The following COLEC10 variants were observed in gnomAD, a reference collection of about 807,000 sequenced individuals.
COLEC10 encodes collectin subfamily member 10.
COLEC10 carries 22 observed loss-of-function variants against 28.4 expected under a neutral mutation model. That is an observed-to-expected ratio of 0.78 (90% CI 0.55 to 1.11). COLEC10 has a LOEUF of 1.11. Among genes scored for constraint, COLEC10 ranks in the 50% least tolerant of loss-of-function variants. The pLI, the probability that COLEC10 is intolerant of heterozygous loss-of-function variation, is 0.00. For synonymous variants in COLEC10, 125 were observed against 116.1 expected (o/e 1.08, Z -0.49); for missense variants, 361 against 344.1 (o/e 1.05, Z -0.39).
At chr8:118,953,196 G>C in the COLEC10 span, among the ~76,000 whole-genome samples, 960 of 152,308 alleles carry the variant, frequency 6.3e-3, 12 homozygotes, top group African/African-American at 0.023. Flanking sequence ...ATTCAGCTTT[G>C]TCCCTCAAGG....
rs1312126957 is a variant in COLEC10 at position 119,067,407 on chromosome 8, C to T, written c.126C>T (p.His42=). ...CTACCGCTGAAGTCTGTGCCACACA[C>T]ACAATTTCACCAGGACCCAAAGGTG... ...SRPTAEVCAT[H]TISPGPKGDD... Residue 42 remains histidine (H), a synonymous_variant, in exon 1 of 6, where the codon CAC becomes CAT. Coordinates refer to ENST00000332843, the MANE Select transcript of COLEC10 (RefSeq NM_006438.5). 2.5e-6 allele frequency: 4 copies of T among 1,613,754 alleles called. No individual in the cohort carries two copies. Among genetic ancestry groups the T allele is most frequent in the Non-Finnish European group, 3.4e-6 (4 of 1,179,894 alleles).
At chr8:119,093,509 T>A (rs1441414105) in intron 3 of COLEC10, among the ~76,000 whole-genome samples, 1 of 152,138 alleles carries the variant, frequency 6.6e-6, no homozygotes. Flanking sequence ...CTGTGATGGT[T>A]TTACCATGAA....
intron 2 of COLEC10, among the ~76,000 whole-genome samples, chr8:119,020,003 G>T (rs185951330): frequency 6.6e-6 from 1 of 152,118 alleles, no homozygotes; most frequent in Non-Finnish European, 1.5e-5. Context: ...TCTCACACAA[G>T]GTCCAGATCA....
intron 2 of COLEC10, among the ~76,000 whole-genome samples, chr8:119,032,017 G>A (rs79004640): frequency 2.6e-5 from 4 of 152,146 alleles, no homozygotes; most frequent in African/African-American, 7.2e-5. Flanking sequence ...GTAAATACCA[G>A]TATTCTCCCC....
chr8:118,997,275 A>G (rs185840952), intron 1 of COLEC10, among the ~76,000 whole-genome samples: 1 of 152,088 alleles, frequency 6.6e-6, no homozygotes, highest in East Asian at 1.9e-4. Flanking sequence ...CACTCTGTTG[A>G]TTGTTTCGTT....
At chr8:118,953,171 A>G in the COLEC10 span, among the ~76,000 whole-genome samples, 1 of 152,220 alleles carries the variant, frequency 6.6e-6, no homozygotes, top group Non-Finnish European at 1.5e-5. Flanking sequence ...TGCAAATTAC[A>G]GAAGACGGGG....
At chr8:118,984,175 C>A in the COLEC10 span, among the ~76,000 whole-genome samples, 25 of 151,990 alleles carry the variant, frequency 1.6e-4, 1 homozygote, top group Non-Finnish European at 2.9e-4. Flanking sequence ...GAGATCATGT[C>A]CTTTGCAGCA....
chr8:119,020,640 A>G lies in COLEC10; in HGVS notation n.235+11087A>G, dbSNP rs144235815. 5.9e-5 allele frequency among the ~76,000 whole-genome samples: 9 copies of G among 152,256 alleles called. No homozygotes were observed. In the East Asian group the frequency reaches 1.7e-3, roughly 29 times the overall value. On this transcript the variant is annotated intron_variant and non_coding_transcript_variant, in intron 2 of 6. Coordinates refer to the COLEC10 transcript ENST00000521788. ...ACAGGAAGTAGCTAACTGAGCAAAT[A>G]ATTTCTATGGTTACCTGGTATTATC...
the COLEC10 span, among the ~76,000 whole-genome samples, chr8:118,981,032 T>C: frequency 1.3e-5 from 2 of 151,816 alleles, no homozygotes; most frequent in Admixed American, 6.6e-5. Flanking sequence ...TTTTCCTATA[T>C]ATATATATAT....
intron 3 of COLEC10, 46 bp from the exon 4 acceptor site, chr8:119,102,302 T>C (rs780331874): frequency 7.3e-7 from 1 of 1,368,040 alleles, no homozygotes; most frequent in Admixed American, 1.7e-5. Context: ...CCTTTCTTCT[T>C]TTATTTTAAT....
chr8:119,062,796 G>A (rs1264365012), upstream of COLEC10: 2 of 151,820 alleles, frequency 1.3e-5, no homozygotes, highest in East Asian at 1.9e-4. Flanking sequence ...TTTTAAATGC[G>A]GTTTTAAAAT....
rs187674556 is a variant in COLEC10, at chr8:119,043,898, C to T, written n.235+34345C>T. Among the ~76,000 whole-genome samples the T allele has an allele frequency of 6.6e-5, 10 of 152,268 alleles. No homozygotes were observed. In the East Asian group the frequency reaches 1.9e-3, roughly 29 times the overall value. On this transcript the variant is annotated intron_variant and non_coding_transcript_variant, in intron 2 of 6. Transcript: ENST00000521788. ...ACAGTTAGAAGTAGGACATGGACAA[C>T]CAGATTTTTTTCTTTCTTGTTCTTT...
chr8:119,006,785 G>A (rs752536674), intron 1 of COLEC10, among the ~76,000 whole-genome samples: 14 of 151,818 alleles, frequency 9.2e-5, no homozygotes, highest in South Asian at 4.2e-4. Flanking sequence ...ACTCCTGTTC[G>A]TTTTTCAACT....
At chr8:118,974,740 T>C in the COLEC10 span, among the ~76,000 whole-genome samples, 1 of 152,202 alleles carries the variant, frequency 6.6e-6, no homozygotes, top group Middle Eastern at 3.4e-3. Flanking sequence ...TGCACTATGA[T>C]GTTTTATCGA....
intron 1 of COLEC10, among the ~76,000 whole-genome samples, chr8:119,078,687 G>T (rs1037620408): frequency 2.6e-5 from 4 of 151,974 alleles, no homozygotes; most frequent in African/African-American, 9.7e-5. Flanking sequence ...TTTATATTTT[G>T]TCTCATTTAG....
intron 1 of COLEC10, among the ~76,000 whole-genome samples, chr8:119,070,688 C>G (rs1303886272): frequency 6.6e-6 from 1 of 150,966 alleles, no homozygotes; most frequent in African/African-American, 2.4e-5. Context: ...CTAGTGGTCT[C>G]CCTTGAAAAT....
At chr8:119,069,419 A>AC (rs1815043426) in intron 1 of COLEC10, among the ~76,000 whole-genome samples, 1 of 151,162 alleles carries the variant, frequency 6.6e-6, no homozygotes, top group African/African-American at 2.4e-5. Flanking sequence ...ACATAAAGAG[A>AC]CCCCATCTCT....
chr8:119,090,545 T>G (rs1484950116), intron 2 of COLEC10, among the ~76,000 whole-genome samples: 1 of 152,218 alleles, frequency 6.6e-6, no homozygotes, highest in Admixed American at 6.5e-5. Context: ...GCATGTCGAT[T>G]ACAAGATTAT....
intron 1 of COLEC10, among the ~76,000 whole-genome samples, chr8:118,997,719 A>G (rs1373467578): frequency 6.6e-6 from 1 of 152,144 alleles, no homozygotes; most frequent in Non-Finnish European, 1.5e-5. Context: ...CTCTTCCTCC[A>G]TTATTGGTCA....
Sources: allele counts gnomAD v4.1 joint callset (sites outside exome capture counted in the v4.1 genomes callset), GRCh38; gene constraint gnomAD v4.1.1; transcripts MANE v1.5; gene names NCBI Gene and HGNC (gene_info 2026-07-23, HGNC 2026-07-21).